PTCD1: variants seen among roughly 807,000 people sequenced by gnomAD.
The protein encoded by PTCD1 is pentatricopeptide repeat-containing protein 1, mitochondrial.
In PTCD1, 50 loss-of-function variants were observed where a neutral mutation model predicts 53.4. The observed-to-expected ratio is 0.94, with a 90% CI of 0.75 to 1.19. The LOEUF (loss-of-function observed/expected upper bound fraction) is 1.19. Among genes scored for constraint, PTCD1 ranks in the 50% most tolerant of loss-of-function variants. The probability of loss-of-function intolerance (pLI) is 0.00; values close to 1 mark genes in which losing one functional copy is unlikely to be tolerated. For missense variants in PTCD1, 918 were observed against 904.8 expected, an observed-to-expected ratio of 1.01 and a Z score of -0.19; for synonymous variants, 413 against 394.8, an observed-to-expected ratio of 1.05 and a Z score of -0.55.
rs1219969734 is a variant in PTCD1, at chr7:99,433,283, T to C, written c.589A>G (p.Asn197Asp). 1 of 1,614,124 alleles carries C rather than the reference T, an allele frequency of 6.2e-7. No homozygotes were observed. ...TGCCCTGCGCCCACATGCACCTGGT[T>C]GTAGAGGTTGAAGGCCTTCTTCAGG... ...GYLKKAFNLY[N>D]QMKKRDLEPS... The change falls in exon 3 of 8, where the codon AAC becomes GAC. Residue 197 changes from asparagine to aspartate, a missense_variant. Physicochemically the swap from Asn to Asp is conservative, Grantham distance 23. Coordinates refer to ENST00000292478, the MANE Select transcript of PTCD1 (RefSeq NM_015545.4).
chr7:99,421,444 AAAAG>A (rs1306800027), intron 7 of PTCD1, among the ~76,000 whole-genome samples: 6 of 151,294 alleles, frequency 4.0e-5, no homozygotes, highest in East Asian at 1.9e-4. Context: ...AAAAAAAAAA[AAAAG>A]AAAAAAGAAA....
chr7:99,430,271 C>T (rs1045581516), intron 3 of PTCD1, among the ~76,000 whole-genome samples: 3 of 152,236 alleles, frequency 2.0e-5, no homozygotes, highest in East Asian at 3.8e-4. Context: ...GGGGTGGCCC[C>T]GAACCAGTGG....
chr7:99,423,983 C>G (rs1319635191), intron 6 of PTCD1, 26 bp from the exon 7 acceptor site: 1 of 1,611,448 alleles, frequency 6.2e-7, no homozygotes, highest in African/African-American at 1.3e-5. Flanking sequence ...ATCGTAGAAT[C>G]AAGATGATGG....
At chr7:99,432,005 A>ATCGCCATTCTCCAATC (rs1246785982) in intron 3 of PTCD1, among the ~76,000 whole-genome samples, 1 of 152,226 alleles carries the variant, frequency 6.6e-6, no homozygotes, top group Non-Finnish European at 1.5e-5. Context: ...GATAAAAGTC[A>ATCGCCATTCTCCAATC]TCGCCATTCT....
At chr7:99,432,731 G>T (rs184469207) in intron 3 of PTCD1, among the ~76,000 whole-genome samples, 3 of 152,190 alleles carry the variant, frequency 2.0e-5, no homozygotes, top group African/African-American at 2.4e-5. Flanking sequence ...CCCACCTGAC[G>T]AGAAACGCCC....
At chr7:99,438,308 T>A (rs1413596091) in intron 1 of PTCD1, among the ~76,000 whole-genome samples, 3 of 67,576 alleles carry the variant, frequency 4.4e-5, no homozygotes, top group South Asian at 4.8e-4. Flanking sequence ...AAAAATAAAA[T>A]TTTAAAAATT....
chr7:99,432,502 T>G, intron 3 of PTCD1, among the ~76,000 whole-genome samples: 1 of 152,162 alleles, frequency 6.6e-6, no homozygotes, highest in South Asian at 2.1e-4. Context: ...CCCATTACCC[T>G]ATCGTCCTGC....
At chr7:99,436,925 G>A (rs1053994286) in intron 1 of PTCD1, among the ~76,000 whole-genome samples, 4 of 152,204 alleles carry the variant, frequency 2.6e-5, no homozygotes, top group African/African-American at 7.2e-5. Context: ...ACAGTGGAGT[G>A]CAAATGCACA....
chr7:99,430,432 A>G (rs1437358991), intron 3 of PTCD1, among the ~76,000 whole-genome samples: 1 of 152,256 alleles, frequency 6.6e-6, no homozygotes, highest in African/African-American at 2.4e-5. Context: ...TGGCCAGAGA[A>G]GGGCCATCTG....
In PTCD1 at chr7:99,435,055, G is replaced by A. The variant is rs751623093; in HGVS notation, c.188C>T (p.Thr63Met). Residue 63 changes from threonine to methionine, a missense_variant, in exon 2 of 8, where the codon ACG becomes ATG. Thr to Met is a moderately conservative substitution (Grantham distance 81). Coordinates refer to ENST00000292478, the MANE Select transcript of PTCD1 (RefSeq NM_015545.4). The part of the protein sequence containing the change: ...LPLGQERQEN[T>M]GSLGSDPSHS... ...GCTCGGGTCAGAGCCCAGGCTGCCCGTGTTTTCCTGACGCTCCTGGCCGAG... is the reference window on the plus strand; with the variant it reads ...GCTCGGGTCAGAGCCCAGGCTGCCCATGTTTTCCTGACGCTCCTGGCCGAG... 3.0e-5 allele frequency: 48 copies of A among 1,612,532 alleles called. No homozygotes were observed. The highest frequency in any genetic ancestry group is 5.0e-5 in the Admixed American group (3 of 59,994).
At chr7:99,438,276 C>T (rs1320730632) in intron 1 of PTCD1, among the ~76,000 whole-genome samples, 3 of 125,236 alleles carry the variant, frequency 2.4e-5, no homozygotes, top group African/African-American at 9.0e-5. Flanking sequence ...GCCCCCCCAA[C>T]CCCGCCGTCT....
intron 6 of PTCD1, among the ~76,000 whole-genome samples, chr7:99,424,363 G>A (rs1051719327): frequency 5.9e-5 from 9 of 152,216 alleles, no homozygotes; most frequent in African/African-American, 2.2e-4. Flanking sequence ...TGGGGACACC[G>A]ACAACCCAGG....
chr7:99,433,251 C>T (rs1392238784), intron 3 of PTCD1, 27 bp downstream of exon 3: 2 of 1,614,128 alleles, frequency 1.2e-6, no homozygotes, highest in African/African-American at 1.3e-5. Flanking sequence ...CAGAGCCTCA[C>T]CCCGGCTGCC....
intron 5 of PTCD1, 105 bp downstream of exon 5, chr7:99,428,998 A>G: frequency 7.4e-7 from 1 of 1,346,502 alleles, no homozygotes; most frequent in Non-Finnish European, 1.1e-6. Context: ...GAGCACAGAT[A>G]TAAAAATACT....
chr7:99,421,648 G>A (rs1015282104), intron 7 of PTCD1, among the ~76,000 whole-genome samples: 17 of 150,858 alleles, frequency 1.1e-4, no homozygotes, highest in African/African-American at 1.9e-4. Context: ...CCAGCAACTC[G>A]GGAGGCTGAG....
At chr7:99,423,646 T>C in intron 7 of PTCD1, 129 bp downstream of exon 7, 2 of 1,481,160 alleles carry the variant, frequency 1.4e-6, no homozygotes, top group Non-Finnish European at 1.9e-6. Flanking sequence ...GTACTGCTCC[T>C]AAGGGAAGCT....
At chr7:99,422,027 C>A (rs1361024938) in intron 7 of PTCD1, among the ~76,000 whole-genome samples, 1 of 152,032 alleles carries the variant, frequency 6.6e-6, no homozygotes, top group African/African-American at 2.4e-5. Context: ...GTGAGCCCTA[C>A]GCCAGAGGGA....
Position 99,429,085 on chromosome 7 carries a change from G to A in PTCD1, c.915+18C>T. On this transcript the variant is annotated intron_variant, in intron 5 of 7. Transcript: ENST00000292478. ...CACCGGGGAAGCAGGGCAGGAAGGTGGGGTGGGAGGGACATACCTGGAGGG... is the reference window on the plus strand; with the variant it reads ...CACCGGGGAAGCAGGGCAGGAAGGTAGGGTGGGAGGGACATACCTGGAGGG... 1 of 1,613,688 alleles carries A rather than the reference G, an allele frequency of 6.2e-7. No individual in the cohort carries two copies. Among genetic ancestry groups the A allele is most frequent in the Non-Finnish European group, 8.5e-7 (1 of 1,179,654 alleles).
rs1209692675 is a variant in PTCD1 at position 99,425,353 on chromosome 7, A to T, written c.1179T>A (p.Ser393=). 1 of 1,614,036 alleles carries T rather than the reference A, an allele frequency of 6.2e-7. No individual in the cohort carries two copies. Among genetic ancestry groups the T allele is most frequent in the East Asian group, 2.2e-5 (1 of 44,886 alleles). The change falls in exon 6 of 8, where the codon TCT becomes TCA. Residue 393 remains serine, a synonymous_variant. Transcript: ENST00000292478. ...ALERQLFLEP[S]QALGPPEPPE... is the part of the protein sequence containing the mutation. ...GAGGCTCTGGAGGCCCAAGTGCCTGAGAAGGTTCCAGAAACAGCTGCCTCT... is the reference window on the plus strand; with the variant it reads ...GAGGCTCTGGAGGCCCAAGTGCCTGTGAAGGTTCCAGAAACAGCTGCCTCT...
Sources: allele counts gnomAD v4.1 joint callset (sites outside exome capture counted in the v4.1 genomes callset), GRCh38; gene constraint gnomAD v4.1.1; transcripts MANE v1.5; gene names NCBI Gene and HGNC (gene_info 2026-07-23, HGNC 2026-07-21).